DACT2: variants seen among roughly 807,000 people sequenced by gnomAD.
DACT2 encodes the protein dapper homolog 2.
Under a neutral mutation model 22.2 loss-of-function variants are expected in DACT2, and 20 were observed. That is an observed-to-expected ratio of 0.90 (90% CI 0.63 to 1.31). The LOEUF is 1.31. Among genes scored for constraint, DACT2 ranks in the 50% most tolerant of loss-of-function variants. DACT2 has a pLI of 0.00. For missense variants in DACT2, 1,048 were observed against 1,061.4 expected (o/e 0.99, Z 0.18); for synonymous variants, 463 against 479.8 (o/e 0.96, Z 0.46).
chr6:168,318,612 T>C (rs1464375607), intron 1 of DACT2, among the ~76,000 whole-genome samples: 1 of 152,178 alleles, frequency 6.6e-6, no homozygotes, highest in Admixed American at 6.5e-5. Flanking sequence ...CGAAAACGCT[T>C]GTGAGTTGTT....
intron 3 of DACT2, among the ~76,000 whole-genome samples, chr6:168,309,834 G>C (rs1043497216): frequency 6.6e-6 from 1 of 152,168 alleles, no homozygotes; most frequent in Non-Finnish European, 1.5e-5. Flanking sequence ...TGTGAGCCCG[G>C]TTCTCTCCCC....
chr6:168,314,127 AAGG>A (rs1228105841), intron 1 of DACT2, among the ~76,000 whole-genome samples: 3 of 152,214 alleles, frequency 2.0e-5, no homozygotes, highest in African/African-American at 4.8e-5. Context: ...TGTGGCCAGG[AAGG>A]AGGACAGTCC....
intron 3 of DACT2, among the ~76,000 whole-genome samples, chr6:168,301,016 A>G (rs1779094344): frequency 7.0e-6 from 1 of 142,420 alleles, no homozygotes; most frequent in African/African-American, 2.8e-5. Flanking sequence ...CAAAAAAACA[A>G]AAAACAAAAA....
rs1039010120 is a variant in DACT2 at position 168,307,301 on chromosome 6, C to T, written c.*131G>A. On this transcript the variant is annotated 3_prime_UTR_variant, in exon 4 of 4. Coordinates refer to ENST00000366795, the MANE Select transcript of DACT2 (RefSeq NM_214462.5). This position sits in a 1 kb window ranked among gnomAD's most constrained non-coding sequence, Gnocchi z 5.3. ...ACAGGGCAGAACCCATCTGCGGGGA[C>T]TCCTGTTAAACGGTGGCCTCGGAAG... 8 of 1,471,952 alleles carry T rather than the reference C, an allele frequency of 5.4e-6. No individual in the cohort carries two copies. The Admixed American group carries it at 2.0e-4, about 37-fold the overall frequency. The allele number at this position is 1,471,952 out of a possible 1,614,324, so 91.2% of individuals were successfully genotyped here. A position where few individuals can be genotyped will look rare whatever the true frequency, so the allele number is the denominator to read the frequency against.
intron 3 of DACT2, chr6:168,299,071 C>A (rs1402893365): frequency 1.3e-5 from 2 of 152,192 alleles, no homozygotes; most frequent in Non-Finnish European, 2.9e-5. Context: ...TGTCCCTTAA[C>A]CCAAATAGTT....
At chr6:168,311,633 C>CACAA (rs200552824) in intron 1 of DACT2, among the ~76,000 whole-genome samples, 1 of 127,528 alleles carries the variant, frequency 7.8e-6, no homozygotes, top group Admixed American at 7.7e-5. Context: ...CACACCCATC[C>CACAA]ACACACACAC....
intron 3 of DACT2, among the ~76,000 whole-genome samples, chr6:168,300,799 A>T (rs1325967451): frequency 6.6e-6 from 1 of 152,084 alleles, no homozygotes; most frequent in Non-Finnish European, 1.5e-5. Flanking sequence ...ATCCTGGCCA[A>T]CATGGTGAAA....
At chr6:168,319,324 C>T in intron 1 of DACT2, 64 bp downstream of exon 1, 1 of 1,174,126 alleles carries the variant, frequency 8.5e-7, no homozygotes, top group Non-Finnish European at 1.1e-6. Context: ...ACAGTCGCTG[C>T]CGAAGGAGCA....
rs1779387414 is a variant in DACT2, at chr6:168,311,141, C to A, written c.379+11G>T. ...TGCCCCTGTGTCCGGGAGGTCAGGG[C>A]GCCCTGGTACCTGAGCTGGGCCTGC... On this transcript the variant is annotated intron_variant, in intron 2 of 3. Transcript: ENST00000366795. The A allele has an allele frequency of 2.6e-6, 4 of 1,515,344 alleles. No homozygotes were observed. Among genetic ancestry groups the A allele is most frequent in the Non-Finnish European group, 3.6e-6 (4 of 1,125,718 alleles). 93.9% of individuals were successfully genotyped at this position (1,515,344 alleles called of 1,614,324 possible).
rs1432109519 is a variant in DACT2 at position 168,308,617 on chromosome 6, C to A, written c.1140G>T (p.Leu380=). Reference sequence around the variant, plus strand: ...CGTCCTCCCTCCCTGGGGCGAAGACCAGCAGTCGCCCTCCACCGTCTGTAC... The same window carrying A: ...CGTCCTCCCTCCCTGGGGCGAAGACAAGCAGTCGCCCTCCACCGTCTGTAC... The part of the protein sequence containing the change: ...GWSTDGGGRL[L]VFAPGREDEG... Residue 380 remains leucine (L), a synonymous_variant, in exon 4 of 4, where the codon CTG becomes CTT. Transcript: ENST00000366795. The A allele has an allele frequency of 6.5e-7, 1 of 1,544,866 alleles. No individual in the cohort carries two copies. Among genetic ancestry groups the A allele is most frequent in the East Asian group, 2.4e-5 (1 of 40,904 alleles).
chr6:168,302,880 G>A (rs560718936), downstream of DACT2, among the ~76,000 whole-genome samples: 34 of 152,282 alleles, frequency 2.2e-4, no homozygotes, highest in African/African-American at 5.5e-4. Context: ...TGAGGGCCGC[G>A]GTGTGTGAAC....
In DACT2 at chr6:168,319,614, G is replaced by A; in HGVS notation, c.20C>T (p.Pro7Leu). 2.3e-6 allele frequency: 3 copies of A among 1,309,864 alleles called. No individual in the cohort carries two copies. The highest frequency in any genetic ancestry group is 1.9e-5 in the South Asian group (1 of 51,360). 81.1% of individuals were successfully genotyped at this position (1,309,864 alleles called of 1,614,324 possible). A position where few individuals can be genotyped will look rare whatever the true frequency, so the allele number is the denominator to read the frequency against. ...GCGGTCCCAGCCCGCGGACCCCGGGGGTCCGCCCGGCGTCCACATCTCCCG... is the reference window on the plus strand; with the variant it reads ...GCGGTCCCAGCCCGCGGACCCCGGGAGTCCGCCCGGCGTCCACATCTCCCG... MWTPGG[P>L]PGSAGWDRRR... The change falls in exon 1 of 4, where the codon CCC becomes CTC. Residue 7 changes from proline (P) to leucine (L), a missense_variant. Pro to Leu is a moderately conservative substitution (Grantham distance 98). Transcript: ENST00000366795.
Position 168,310,421 on chromosome 6 carries a change from T to C in DACT2, c.405A>G (p.Gly135=). ...CACAGGACGTGGACAGGGAGCAGGA[T>C]CCACCGTCGCTCATCTCGTAAAAGC... ...SSGFYEMSDG[G]SCSLSTSCAS... The change falls in exon 3 of 4, where the codon GGA becomes GGG. Residue 135 remains glycine (G), a synonymous_variant. Transcript: ENST00000366795. The C allele has an allele frequency of 6.4e-7, 1 of 1,550,890 alleles. No individual in the cohort carries two copies. The highest frequency in any genetic ancestry group is 1.2e-5 in the South Asian group (1 of 83,934).
rs1229032921 is a variant in DACT2, at chr6:168,307,235, A to C, written c.*197T>G. On this transcript the variant is annotated 3_prime_UTR_variant, in exon 4 of 4. Transcript: ENST00000366795. This position sits in a 1 kb window ranked among gnomAD's most constrained non-coding sequence, Gnocchi z 5.3. Reference sequence around the variant, plus strand: ...CTGGCATCTGAAACCAGAGCTCCGCATGGAAGTCTTTGCTGGGGCGGGGAC... The same window carrying C: ...CTGGCATCTGAAACCAGAGCTCCGCCTGGAAGTCTTTGCTGGGGCGGGGAC... 14 of 1,416,906 alleles carry C rather than the reference A, an allele frequency of 9.9e-6. No homozygotes were observed. The highest frequency in any genetic ancestry group is 1.3e-5 in the Non-Finnish European group (14 of 1,090,702). The allele number at this position is 1,416,906 out of a possible 1,614,324, so 87.8% of individuals were successfully genotyped here.
chr6:168,303,785 T>G (rs997112944), downstream of DACT2, among the ~76,000 whole-genome samples: 1 of 104,854 alleles, frequency 9.5e-6, no homozygotes, highest in African/African-American at 5.8e-5. Context: ...AATGATACGC[T>G]CTGTTTTCTT....
rs1262671578 is a variant in DACT2, at chr6:168,308,975, C to T, written c.782G>A (p.Arg261Gln). 25 of 1,549,592 alleles carry T rather than the reference C, an allele frequency of 1.6e-5. No homozygotes were observed. The highest frequency in any genetic ancestry group is 5.9e-5 in the Admixed American group (3 of 50,976). Residue 261 changes from arginine (R) to glutamine (Q), a missense_variant, in exon 4 of 4, where the codon CGG becomes CAG. Coordinates refer to ENST00000366795, the MANE Select transcript of DACT2 (RefSeq NM_214462.5). ...GCCGCCCTGGGACACCAGGTCCTGCCGATACTTGGGGTCCGGCACGTGCAG... is the reference window on the plus strand; with the variant it reads ...GCCGCCCTGGGACACCAGGTCCTGCTGATACTTGGGGTCCGGCACGTGCAG... ...IPLHVPDPKYRQDLVSQGGRE... is the reference protein window; with the variant it reads ...IPLHVPDPKYQQDLVSQGGRE...
At chr6:168,314,831 A>G (rs1002112913) in intron 1 of DACT2, among the ~76,000 whole-genome samples, 3 of 152,218 alleles carry the variant, frequency 2.0e-5, no homozygotes, top group African/African-American at 7.2e-5. Context: ...GGAGAGAGGT[A>G]AATGCTGTTA....
At position 168,308,549 on chromosome 6, in the gene DACT2, G is replaced by A. The variant is rs1172093727; in HGVS notation, c.1208C>T (p.Pro403Leu). The A allele has an allele frequency of 1.9e-5, 29 of 1,520,432 alleles. No homozygotes were observed. Among genetic ancestry groups the A allele is most frequent in the East Asian group, 2.5e-5 (1 of 39,494 alleles). 94.2% of individuals were successfully genotyped at this position (1,520,432 alleles called of 1,614,324 possible). ...AQSRGAGRGG[P>L]QQQGYMPLEG... is the part of the protein sequence containing the mutation. ...AAGGGGCATGTATCCCTGCTGCTGG[G>A]GCCCGCCCCTGCCGGCACCCCTGCT... Residue 403 changes from proline (P) to leucine (L), a missense_variant, in exon 4 of 4, where the codon CCC becomes CTC. By Grantham distance (98) the Pro-to-Leu change is moderately conservative (BLOSUM62 -3). Transcript: ENST00000366795.
chr6:168,309,007 A>G lies in DACT2; in HGVS notation c.750T>C (p.Asp250=), dbSNP rs2114907671. 3 of 1,548,578 alleles carry G rather than the reference A, an allele frequency of 1.9e-6. No individual in the cohort carries two copies. The highest frequency in any genetic ancestry group is 2.6e-6 in the Non-Finnish European group (3 of 1,146,958). The change falls in exon 4 of 4, where the codon GAT becomes GAC. Residue 250 remains aspartate (D), a synonymous_variant. Transcript: ENST00000366795. The part of the protein sequence containing the change: ...ELLGLLCQGV[D]IPLHVPDPKY... Reference sequence around the variant, plus strand: ...TGGGGTCCGGCACGTGCAGCGGGATATCCACCCCCTGGCAGAGGAGCCCGA... The same window carrying G: ...TGGGGTCCGGCACGTGCAGCGGGATGTCCACCCCCTGGCAGAGGAGCCCGA...
Sources: gnomAD v4.1 joint callset for allele counts (sites outside exome capture counted in the v4.1 genomes callset) on GRCh38, gnomAD v4.1.1 for gene constraint, Gnocchi (gnomAD v3.1) non-coding constraint, MANE v1.5 for transcripts, NCBI Gene and HGNC (gene_info 2026-07-23, HGNC 2026-07-21) for gene names.